Variants in CCND2 observed in about 807,000 individuals in gnomAD.
CCND2 encodes G1/S-specific cyclin-D2.
In CCND2, 6 loss-of-function variants were observed where a neutral mutation model predicts 30.2. The observed-to-expected ratio is 0.20, with a 90% CI of 0.11 to 0.39. The LOEUF is 0.39. Ranked by LOEUF, CCND2 falls within the 10% of genes least tolerant of loss-of-function variation. CCND2 has a pLI of 1.00. For missense variants in CCND2, 235 were observed against 373.4 expected (o/e 0.63, Z 3.06); for synonymous variants, 150 against 153.1 (o/e 0.98, Z 0.15).
intron 3 of CCND2, among the ~76,000 whole-genome samples, chr12:4,286,516 C>CGCCGTCCTCGTCTCCA (rs1864025085): frequency 6.6e-6 from 1 of 152,172 alleles, no homozygotes; most frequent in Non-Finnish European, 1.5e-5. Flanking sequence ...GCAGCACGGC[C>CGCCGTCCTCGTCTCCA]GCCGTCCTCG....
rs3217787 is a variant in CCND2 at position 4,274,005 on chromosome 12, G to T, written c.-36G>T. On this transcript the variant is annotated 5_prime_UTR_variant, in exon 1 of 5. Coordinates refer to ENST00000261254, the MANE Select transcript of CCND2 (RefSeq NM_001759.4). This position sits in a 1 kb window ranked among gnomAD's most constrained non-coding sequence, Gnocchi z 7.7. ...AACAGAAAAACCTTTTTCCAGGCCGGGGAAAGCAGGAGGGAGAGGGGCCGC... is the reference window on the plus strand; with the variant it reads ...AACAGAAAAACCTTTTTCCAGGCCGTGGAAAGCAGGAGGGAGAGGGGCCGC... 1,479 of 1,592,612 alleles carry T rather than the reference G, an allele frequency of 9.3e-4. 2 individuals carry two copies. The African/African-American group carries it at 0.011, about 12-fold the overall frequency.
chr12:4,276,456 A>C lies in CCND2; in HGVS notation c.411+236A>C, dbSNP rs1244507277. Among the ~76,000 whole-genome samples the C allele has an allele frequency of 6.6e-6, 1 of 152,242 alleles. No individual in the cohort carries two copies. The highest frequency in any genetic ancestry group is 6.5e-5 in the Admixed American group (1 of 15,290). On this transcript the variant is annotated intron_variant, in intron 2 of 4. Transcript: ENST00000261254. The surrounding 1 kb of genome is among the most constrained non-coding windows in gnomAD (Gnocchi z 4.8). Reference sequence around the variant, plus strand: ...CAGCACTGAGGCTACATCTGTGAATAAGATCCTCATGGAGATTTGGGTTGG... The same window carrying C: ...CAGCACTGAGGCTACATCTGTGAATCAGATCCTCATGGAGATTTGGGTTGG...
At chr12:4,280,325 G>A (rs1472220236) in intron 3 of CCND2, among the ~76,000 whole-genome samples, 1 of 152,250 alleles carries the variant, frequency 6.6e-6, no homozygotes, top group African/African-American at 2.4e-5. Flanking sequence ...TTTCTAGCAG[G>A]ACCTGTGTGT....
intron 4 of CCND2, among the ~76,000 whole-genome samples, chr12:4,294,341 G>T (rs3217887): frequency 0.019 from 2,917 of 152,134 alleles, 92 homozygotes; most frequent in African/African-American, 0.067. Flanking sequence ...CTGCCCGACC[G>T]CCAGCGCGGT....
At chr12:4,294,309 TATC>T (rs1444691312) in intron 4 of CCND2, among the ~76,000 whole-genome samples, 1 of 151,940 alleles carries the variant, frequency 6.6e-6, no homozygotes, top group African/African-American at 2.4e-5. Context: ...GGAGGGGGCC[TATC>T]ATCATAGAAG....
At chr12:4,290,712 T>A (rs1409707697) in intron 4 of CCND2, among the ~76,000 whole-genome samples, 1 of 152,180 alleles carries the variant, frequency 6.6e-6, no homozygotes, top group Non-Finnish European at 1.5e-5. Flanking sequence ...TGATCTCACA[T>A]GGACAGTGGT....
chr12:4,296,903 G>C (rs907096825), intron 4 of CCND2, among the ~76,000 whole-genome samples: 1 of 152,164 alleles, frequency 6.6e-6, no homozygotes, highest in South Asian at 2.1e-4. Flanking sequence ...GTGAGCACAG[G>C]GGGTGACGGA....
chr12:4,297,765 G>A (rs1864194630), intron 4 of CCND2: 1 of 375,608 alleles, frequency 2.7e-6, no homozygotes, highest in African/African-American at 2.1e-5. Context: ...AGCTCAACAG[G>A]TCGGACAGGG....
In CCND2 at chr12:4,287,617, A is replaced by G. The variant is rs575028899; in HGVS notation, c.572-1225A>G. The stretch of plus-strand genomic sequence containing the variant: ...ACTATACCCACCCTAATATCTGTCA[A>G]CACGAGCAGGGGCAACTTAAACTCT... On this transcript the variant is annotated intron_variant, in intron 3 of 4. Coordinates refer to ENST00000261254, the MANE Select transcript of CCND2 (RefSeq NM_001759.4). This position sits in a 1 kb window ranked among gnomAD's most constrained non-coding sequence, Gnocchi z 4.0. Among the ~76,000 whole-genome samples the G allele has an allele frequency of 1.3e-5, 2 of 152,320 alleles. No homozygotes were observed. The highest frequency in any genetic ancestry group is 2.1e-4 in the South Asian group (1 of 4,830).
At position 4,304,734 on chromosome 12, in the gene CCND2, A is replaced by G; in HGVS notation, c.*4725A>G. 1 of 233,746 alleles carries G rather than the reference A, an allele frequency of 4.3e-6. No homozygotes were observed. Among genetic ancestry groups the G allele is most frequent in the Non-Finnish European group, 8.5e-6 (1 of 118,068 alleles). 14.5% of individuals were successfully genotyped at this position (233,746 alleles called of 1,614,324 possible). Reference sequence around the variant, plus strand: ...CGCCTGCAGCCTACTTTGGGGAAATAAAGTGCCTTACTGACTGTAGCCATT... The same window carrying G: ...CGCCTGCAGCCTACTTTGGGGAAATGAAGTGCCTTACTGACTGTAGCCATT... On this transcript the variant is annotated 3_prime_UTR_variant, in exon 5 of 5. Transcript: ENST00000261254. The surrounding 1 kb of genome is among the most constrained non-coding windows in gnomAD (Gnocchi z 6.2).
In CCND2 at chr12:4,285,620, C is replaced by T. The variant is rs940595997; in HGVS notation, c.572-3222C>T. The T allele has an allele frequency of 6.1e-6, 1 of 162,688 alleles. No homozygotes were observed. Among genetic ancestry groups the T allele is most frequent in the Non-Finnish European group, 1.3e-5 (1 of 77,684 alleles). The allele number at this position is 162,688 out of a possible 1,614,324, so 10.1% of individuals were successfully genotyped here. The stretch of plus-strand genomic sequence containing the variant: ...TGCATGCATGCAATTTGGTTTTCCG[C>T]TTCCTTCTTCTGAGTGGATATTGTG... On this transcript the variant is annotated intron_variant, in intron 3 of 4. Coordinates refer to ENST00000261254, the MANE Select transcript of CCND2 (RefSeq NM_001759.4). This position sits in a 1 kb window ranked among gnomAD's most constrained non-coding sequence, Gnocchi z 4.1.
rs946354367 is a variant in CCND2 at position 4,275,995 on chromosome 12, C to G, written c.196-10C>G. 1.3e-5 allele frequency: 20 copies of G among 1,504,514 alleles called. No individual in the cohort carries two copies. The highest frequency in any genetic ancestry group is 1.8e-5 in the Non-Finnish European group (20 of 1,104,196). The allele number at this position is 1,504,514 out of a possible 1,614,324, so 93.2% of individuals were successfully genotyped here. On this transcript the variant is annotated splice_polypyrimidine_tract_variant and intron_variant, in intron 1 of 4. Coordinates refer to ENST00000261254, the MANE Select transcript of CCND2 (RefSeq NM_001759.4). ...CCCCGCCCCCCAACCCTTTCCCACTCCCATTATAGGTCTGTGAGGAACAGA... is the reference window on the plus strand; with the variant it reads ...CCCCGCCCCCCAACCCTTTCCCACTGCCATTATAGGTCTGTGAGGAACAGA...
rs1280049909 is a variant in CCND2 at position 4,297,342 on chromosome 12, C to T, written c.721-2518C>T. Among the ~76,000 whole-genome samples, 6 of 151,986 alleles carry T rather than the reference C, an allele frequency of 3.9e-5. No individual in the cohort carries two copies. In the East Asian group the frequency reaches 7.7e-4, roughly 20 times the overall value. ...ATCCCAGTACTTCGGGAGGCCAAGG[C>T]GGGCAGATACCTGAGGTCAGGAGTT... On this transcript the variant is annotated intron_variant, in intron 4 of 4. Coordinates refer to ENST00000261254, the MANE Select transcript of CCND2 (RefSeq NM_001759.4).
chr12:4,305,343 C>G lies in CCND2; in HGVS notation c.*5334C>G, dbSNP rs1864301916. 9.1e-6 allele frequency: 2 copies of G among 220,898 alleles called. No individual in the cohort carries two copies. Among genetic ancestry groups the G allele is most frequent in the African/African-American group, 4.5e-5 (2 of 44,708 alleles). The allele number at this position is 220,898 out of a possible 1,614,324, so 13.7% of individuals were successfully genotyped here. On this transcript the variant is annotated 3_prime_UTR_variant, in exon 5 of 5. Coordinates refer to ENST00000261254, the MANE Select transcript of CCND2 (RefSeq NM_001759.4). This position sits in a 1 kb window ranked among gnomAD's most constrained non-coding sequence, Gnocchi z 6.4. ...TATGCTATTTGGACAATAAACTCAC[C>G]TTGACCTAAATTATCTGGCCGTTTT... is the stretch of plus-strand genomic sequence containing the variant.
Position 4,304,103 on chromosome 12 carries a change from C to G in CCND2, c.*4094C>G, listed in dbSNP as rs1161304927. 4.3e-6 allele frequency: 1 copy of G among 233,212 alleles called. No homozygotes were observed. The highest frequency in any genetic ancestry group is 2.2e-5 in the African/African-American group (1 of 45,330). 14.4% of individuals were successfully genotyped at this position (233,212 alleles called of 1,614,324 possible). A position where few individuals can be genotyped will look rare whatever the true frequency, so the allele number is the denominator to read the frequency against. ...TAAGGCAGGATCAGATGACTCTCTCCAAGAGGGCAGGGGAATTTTCTCTCC... is the reference window on the plus strand; with the variant it reads ...TAAGGCAGGATCAGATGACTCTCTCGAAGAGGGCAGGGGAATTTTCTCTCC... On this transcript the variant is annotated 3_prime_UTR_variant, in exon 5 of 5. Transcript: ENST00000261254. The surrounding 1 kb of genome is among the most constrained non-coding windows in gnomAD (Gnocchi z 6.2).
intron 4 of CCND2, among the ~76,000 whole-genome samples, chr12:4,295,760 G>C (rs922514826): frequency 2.0e-5 from 3 of 152,220 alleles, no homozygotes; most frequent in African/African-American, 7.2e-5. Flanking sequence ...CTGAGTGACA[G>C]TGAGACTCCG....
At position 4,282,058 on chromosome 12, in the gene CCND2, G is replaced by A. The variant is rs114189216; in HGVS notation, c.571+3139G>A. Among the ~76,000 whole-genome samples the A allele has an allele frequency of 7.0e-4, 106 of 152,268 alleles. 1 individual carries two copies. Among genetic ancestry groups the A allele is most frequent in the African/African-American group, 1.9e-3 (77 of 41,530 alleles). On this transcript the variant is annotated intron_variant, in intron 3 of 4. Coordinates refer to ENST00000261254, the MANE Select transcript of CCND2 (RefSeq NM_001759.4). The surrounding 1 kb of genome is among the most constrained non-coding windows in gnomAD (Gnocchi z 4.3). ...CTGAGCCATAGCTTCCCTGGTTGCC[G>A]CTCTGCTGATAGAACACCCAGGTCT... is the stretch of plus-strand genomic sequence containing the variant.
rs780412072 is a variant in CCND2, at chr12:4,276,007, C to T, written c.198C>T (p.Val66=). ...ACCCTTTCCCACTCCCATTATAGGT[C>T]TGTGAGGAACAGAAGTGCGAAGAAG... ...RRMVATWMLE[V]CEEQKCEEEV... is the part of the protein sequence containing the mutation. Residue 66 remains valine (V), a splice_region_variant and synonymous_variant, in exon 2 of 5, where the codon GTC becomes GTT. Coordinates refer to ENST00000261254, the MANE Select transcript of CCND2 (RefSeq NM_001759.4). This position sits in a 1 kb window ranked among gnomAD's most constrained non-coding sequence, Gnocchi z 4.8. The T allele has an allele frequency of 6.3e-7, 1 of 1,583,600 alleles. No individual in the cohort carries two copies. The highest frequency in any genetic ancestry group is 8.6e-7 in the Non-Finnish European group (1 of 1,158,570).
In CCND2 at chr12:4,282,381, T is replaced by C. The variant is rs1455991711; in HGVS notation, c.571+3462T>C. ...CCAAGGCCAGAGCCCCATTGTTGAC[T>C]AGAACCCATTGTGCTGTCCTAGCCC... On this transcript the variant is annotated intron_variant, in intron 3 of 4. Transcript: ENST00000261254. This position sits in a 1 kb window ranked among gnomAD's most constrained non-coding sequence, Gnocchi z 4.3. Among the ~76,000 whole-genome samples the C allele has an allele frequency of 2.0e-5, 3 of 152,176 alleles. No individual in the cohort carries two copies. Among genetic ancestry groups the C allele is most frequent in the Non-Finnish European group, 2.9e-5 (2 of 68,020 alleles).
Sources: allele counts gnomAD v4.1 joint callset (sites outside exome capture counted in the v4.1 genomes callset), GRCh38; gene constraint gnomAD v4.1.1; non-coding constraint Gnocchi (gnomAD v3.1); transcripts MANE v1.5; gene names NCBI Gene and HGNC (gene_info 2026-07-23, HGNC 2026-07-21).